Variants in NPAS2 observed in about 807,000 individuals in gnomAD.
The protein encoded by NPAS2 is neuronal PAS domain-containing protein 2.
In NPAS2, 23 loss-of-function variants were observed where a neutral mutation model predicts 107.5. That is an observed-to-expected ratio of 0.21 (90% CI 0.15 to 0.30). NPAS2 has a LOEUF of 0.30. Among genes scored for constraint, NPAS2 ranks in the 10% least tolerant of loss-of-function variants. NPAS2 has a pLI of 1.00. For missense variants in NPAS2, 756 were observed against 1,043.3 expected (o/e 0.72, Z 3.79); for synonymous variants, 403 against 417.5 (o/e 0.97, Z 0.42).
chr2:100,897,735 A>G (rs950945214), intron 1 of NPAS2, among the ~76,000 whole-genome samples: 3 of 152,152 alleles, frequency 2.0e-5, no homozygotes, highest in Non-Finnish European at 2.9e-5. Flanking sequence ...TAACCAAAGA[A>G]CAGGCTCTGT....
chr2:100,858,323 C>T (rs1678713305), intron 1 of NPAS2, among the ~76,000 whole-genome samples: 1 of 152,202 alleles, frequency 6.6e-6, no homozygotes, highest in South Asian at 2.1e-4. Flanking sequence ...AATGGTTAGA[C>T]TGGAATTCGA....
intron 1 of NPAS2, among the ~76,000 whole-genome samples, chr2:100,862,273 A>G (rs572180881): frequency 7.2e-5 from 11 of 152,192 alleles, no homozygotes; most frequent in Non-Finnish European, 1.6e-4. Flanking sequence ...TCTGGCTTCT[A>G]TGCAGTAGGT....
chr2:100,882,413 T>G (rs868696859), intron 1 of NPAS2, among the ~76,000 whole-genome samples: 5 of 152,114 alleles, frequency 3.3e-5, no homozygotes, highest in Non-Finnish European at 7.4e-5. Flanking sequence ...TTCGAGACCA[T>G]CCTGGCTAAC....
intron 16 of NPAS2, chr2:100,984,156 TG>T (rs372357781): frequency 2.0e-5 from 3 of 152,276 alleles, no homozygotes; most frequent in African/African-American, 7.2e-5. Context: ...CTTCCTGCCC[TG>T]TGTTCATTCC....
chr2:100,948,524 G>A (rs565812292), intron 6 of NPAS2, among the ~76,000 whole-genome samples, 169 bp downstream of exon 6: 1 of 152,282 alleles, frequency 6.6e-6, no homozygotes, highest in East Asian at 1.9e-4. Flanking sequence ...AGCTAAAACT[G>A]GAATTTGGAA....
intron 19 of NPAS2, among the ~76,000 whole-genome samples, chr2:100,992,930 CTTTTTTTT>C (rs796643219): frequency 6.9e-6 from 1 of 143,912 alleles, no homozygotes; most frequent in African/African-American, 2.5e-5. Context: ...ACAAAAGTTT[CTTTTTTTT>C]TTTTGCTTTG....
chr2:100,821,633 G>T (rs1025647873), intron 1 of NPAS2, among the ~76,000 whole-genome samples: 1 of 152,176 alleles, frequency 6.6e-6, no homozygotes, highest in Non-Finnish European at 1.5e-5. Flanking sequence ...ATCTCTGCCA[G>T]CATCTCTCTC....
At position 100,863,115 on chromosome 2, in the gene NPAS2, G is replaced by C. The variant is rs183636491; in HGVS notation, c.-22-41618G>C. Among the ~76,000 whole-genome samples the C allele has an allele frequency of 2.0e-3, 308 of 152,306 alleles. 1 individual carries two copies. The highest frequency in any genetic ancestry group is 6.5e-3 in the Admixed American group (99 of 15,296). On this transcript the variant is annotated intron_variant, in intron 1 of 20. Coordinates refer to ENST00000335681, the MANE Select transcript of NPAS2 (RefSeq NM_002518.4). ...TCTGATGCCTCTGAAAGCCTACTTT[G>C]AAACAACAGCCCGACCTTCTCACTG...
At chr2:100,961,111 G>C (rs1675891509) in intron 7 of NPAS2, among the ~76,000 whole-genome samples, 1 of 152,180 alleles carries the variant, frequency 6.6e-6, no homozygotes, top group Non-Finnish European at 1.5e-5. Flanking sequence ...CAGGAAGCCA[G>C]TTGTAATTAG....
rs541997714 is a variant in NPAS2, at chr2:100,970,720, G to A, written c.1056-270G>A. On this transcript the variant is annotated intron_variant, in intron 11 of 20. Coordinates refer to ENST00000335681, the MANE Select transcript of NPAS2 (RefSeq NM_002518.4). ...AATTACAATTGGAGATTTCAGGGAA[G>A]TAAAAAGAATAGTAAATGAGAGGGG... is the stretch of plus-strand genomic sequence containing the variant. 1.1e-5 allele frequency: 4 copies of A among 355,312 alleles called. No individual in the cohort carries two copies. In the South Asian group the frequency reaches 2.8e-4, roughly 25 times the overall value. The allele number at this position is 355,312 out of a possible 1,614,324, so 22.0% of individuals were successfully genotyped here. A position where few individuals can be genotyped will look rare whatever the true frequency, so the allele number is the denominator to read the frequency against.
At chr2:100,854,401 A>G (rs1411898077) in intron 1 of NPAS2, among the ~76,000 whole-genome samples, 1 of 152,156 alleles carries the variant, frequency 6.6e-6, no homozygotes, top group Non-Finnish European at 1.5e-5. Context: ...AGAGACCTCA[A>G]CCAGGGCCTC....
intron 1 of NPAS2, among the ~76,000 whole-genome samples, chr2:100,888,906 G>A (rs1407608676): frequency 6.6e-6 from 1 of 151,990 alleles, no homozygotes; most frequent in Non-Finnish European, 1.5e-5. Context: ...CCTTAACTGG[G>A]GCCACTTCTT....
At position 100,949,429 on chromosome 2, in the gene NPAS2, C is replaced by A. The variant is rs1675094029; in HGVS notation, c.547C>A (p.Pro183Thr). The A allele has an allele frequency of 1.9e-6, 3 of 1,613,552 alleles. No individual in the cohort carries two copies. The East Asian group carries it at 6.7e-5, about 36-fold the overall frequency. ...LRGSLNPKEFPTYEYIKFVGN... is the reference protein window; with the variant it reads ...LRGSLNPKEFTTYEYIKFVGN... ...AGGCAGCTTGAACCCAAAGGAATTT[C>A]CAACTTATGAATACATAAAATTTGT... Residue 183 changes from proline (P) to threonine (T), a missense_variant, in exon 7 of 21, where the codon CCA becomes ACA. Around this residue, in one of 4 missense-constraint regions of NPAS2, gnomAD observed 146 missense variants for 249.6 expected, o/e 0.58. Transcript: ENST00000335681.
chr2:100,905,016 G>A (rs1283750955), intron 2 of NPAS2, among the ~76,000 whole-genome samples: 3 of 152,182 alleles, frequency 2.0e-5, no homozygotes, highest in East Asian at 1.9e-4. Flanking sequence ...TGGCTGAGTG[G>A]TCTGGGTTTT....
chr2:100,880,314 T>C (rs918471596), intron 1 of NPAS2, among the ~76,000 whole-genome samples: 3 of 152,196 alleles, frequency 2.0e-5, no homozygotes, highest in Non-Finnish European at 2.9e-5. Flanking sequence ...TGCAGAAACT[T>C]ATGTTAACTT....
intron 1 of NPAS2, among the ~76,000 whole-genome samples, chr2:100,844,705 G>A (rs568398890): frequency 5.9e-5 from 9 of 152,276 alleles, no homozygotes; most frequent in African/African-American, 1.4e-4. Context: ...GATGCTGTCC[G>A]GATGAGTCAT....
chr2:100,925,045 T>C, intron 2 of NPAS2, 101 bp from the exon 3 acceptor site: 1 of 1,219,356 alleles, frequency 8.2e-7, no homozygotes, highest in Non-Finnish European at 1.1e-6. Flanking sequence ...ATAAGATAGA[T>C]GATCACAATA....
intron 1 of NPAS2, 22 bp from the exon 2 acceptor site, chr2:100,904,704 CTTTTTAA>C: frequency 7.4e-7 from 1 of 1,357,222 alleles, no homozygotes; most frequent in Non-Finnish European, 1.0e-6. Flanking sequence ...ATTATCCATT[CTTTTTAA>C]TTTTTTTTTT....
intron 1 of NPAS2, chr2:100,878,142 C>A (rs912081077): frequency 1.0e-6 from 1 of 985,278 alleles, no homozygotes; most frequent in Non-Finnish European, 1.2e-6. Context: ...CAGCCTGTGA[C>A]AGAAGACAGC....
Sources: gnomAD v4.1 joint callset for allele counts (sites outside exome capture counted in the v4.1 genomes callset) on GRCh38, gnomAD v4.1.1 for gene constraint, gnomAD v4.1.1 regional missense constraint, MANE v1.5 for transcripts, NCBI Gene and HGNC (gene_info 2026-07-23, HGNC 2026-07-21) for gene names.